ARHGAP24: variants seen among roughly 807,000 people sequenced by gnomAD.
ARHGAP24 encodes rho GTPase-activating protein 24.
ARHGAP24 carries 50 observed loss-of-function variants against 76.4 expected under a neutral mutation model. The observed-to-expected ratio is 0.65, with a 90% CI of 0.52 to 0.83. The LOEUF (loss-of-function observed/expected upper bound fraction) is 0.83, where lower values mean the gene tolerates loss of function less well. Ranked by LOEUF, ARHGAP24 falls within the 40% of genes least tolerant of loss-of-function variation. ARHGAP24 has a pLI of 0.00. For missense variants in ARHGAP24, 930 were observed against 914.2 expected, an observed-to-expected ratio of 1.02 and a Z score of -0.22; for synonymous variants, 345 against 323.3, an observed-to-expected ratio of 1.07 and a Z score of -0.72.
intron 3 of ARHGAP24, among the ~76,000 whole-genome samples, chr4:85,847,188 A>G (rs1337031426): frequency 6.6e-6 from 1 of 152,212 alleles, no homozygotes; most frequent in East Asian, 1.9e-4. Flanking sequence ...ATGAATTTCT[A>G]ATAAGAAGGT....
chr4:85,530,891 A>G (rs1383259456), intron 1 of ARHGAP24, among the ~76,000 whole-genome samples: 1 of 152,066 alleles, frequency 6.6e-6, no homozygotes, highest in Non-Finnish European at 1.5e-5. Flanking sequence ...GTTAAGCTTT[A>G]GGTTTTGCAT....
intron 2 of ARHGAP24, among the ~76,000 whole-genome samples, chr4:85,663,174 T>G (rs1455039654): frequency 1.3e-5 from 2 of 151,052 alleles, no homozygotes; most frequent in East Asian, 3.9e-4. Flanking sequence ...TCCATTTGTT[T>G]GTATCCTCTT....
chr4:85,915,533 C>T (rs1448776502), intron 3 of ARHGAP24, among the ~76,000 whole-genome samples: 1 of 152,172 alleles, frequency 6.6e-6, no homozygotes, highest in Non-Finnish European at 1.5e-5. Flanking sequence ...AACCTGTCAT[C>T]TGCATTAGGT....
chr4:85,616,213 T>C (rs1720534134), intron 2 of ARHGAP24, among the ~76,000 whole-genome samples: 1 of 152,234 alleles, frequency 6.6e-6, no homozygotes, highest in Admixed American at 6.5e-5. Context: ...CTGAGAGGCA[T>C]ATTTAAAATA....
At chr4:85,973,390 TAATAGTATTG>T (rs1739106941) in intron 6 of ARHGAP24, among the ~76,000 whole-genome samples, 1 of 152,240 alleles carries the variant, frequency 6.6e-6, no homozygotes, top group Non-Finnish European at 1.5e-5. Flanking sequence ...GCCTTATTAT[TAATAGTATTG>T]AGTTGTAAGA....
chr4:85,897,447 T>C (rs1295050182), intron 3 of ARHGAP24, among the ~76,000 whole-genome samples: 1 of 152,186 alleles, frequency 6.6e-6, no homozygotes, highest in Non-Finnish European at 1.5e-5. Context: ...GATGGGAAAA[T>C]GTTAAGGCAT....
At chr4:85,987,730 CTT>C (rs956327921) in intron 8 of ARHGAP24, among the ~76,000 whole-genome samples, 21 of 151,792 alleles carry the variant, frequency 1.4e-4, no homozygotes, top group African/African-American at 2.9e-4. Context: ...TAAATTCAGA[CTT>C]ATAAAAATTT....
At chr4:85,975,580 A>G (rs1466850179) in intron 7 of ARHGAP24, 1 of 152,920 alleles carries the variant, frequency 6.5e-6, no homozygotes, top group East Asian at 1.9e-4. Context: ...ATACCTCTCA[A>G]TGTATAACTC....
intron 2 of ARHGAP24, among the ~76,000 whole-genome samples, chr4:85,675,558 C>A (rs1490983776): frequency 6.6e-6 from 1 of 152,176 alleles, no homozygotes. Flanking sequence ...AACCTTCTAA[C>A]AAAAGATTTC....
intron 1 of ARHGAP24, among the ~76,000 whole-genome samples, chr4:85,501,204 T>C (rs1199608994): frequency 6.6e-6 from 1 of 152,226 alleles, no homozygotes; most frequent in African/African-American, 2.4e-5. Flanking sequence ...TGTGTCTTTA[T>C]AGTAGCATGA....
intron 4 of ARHGAP24, chr4:85,931,152 A>G: frequency 1.7e-6 from 2 of 1,160,460 alleles, no homozygotes; most frequent in Non-Finnish European, 2.4e-6. Flanking sequence ...CCAAGAGCTT[A>G]GGACTGTACA....
chr4:85,740,752 A>C (rs189124257), intron 3 of ARHGAP24, among the ~76,000 whole-genome samples: 1 of 152,218 alleles, frequency 6.6e-6, no homozygotes, highest in African/African-American at 2.4e-5. Context: ...ATATTTTTGT[A>C]ACCCATGGCT....
intron 3 of ARHGAP24, among the ~76,000 whole-genome samples, chr4:85,818,655 G>A (rs550006446): frequency 6.6e-6 from 1 of 152,270 alleles, no homozygotes; most frequent in African/African-American, 2.4e-5. Context: ...CTCTGCTCCT[G>A]ATATTGCTGA....
intron 3 of ARHGAP24, among the ~76,000 whole-genome samples, chr4:85,898,056 T>TAA (rs1310817709): frequency 6.8e-6 from 1 of 146,094 alleles, no homozygotes; most frequent in Non-Finnish European, 1.5e-5. Context: ...TATATATATA[T>TAA]ATAATTATTT....
chr4:85,608,705 G>T (rs1382542567), intron 2 of ARHGAP24, among the ~76,000 whole-genome samples: 2 of 151,426 alleles, frequency 1.3e-5, no homozygotes, highest in Non-Finnish European at 2.9e-5. Context: ...TTATAGGTGC[G>T]TGCCACCCTG....
Position 85,726,558 on chromosome 4 carries a change from T to C in ARHGAP24, c.268+4586T>C, listed in dbSNP as rs559916311. Among the ~76,000 whole-genome samples the C allele has an allele frequency of 8.5e-4, 129 of 152,242 alleles. No homozygotes were observed. In the Middle Eastern group the frequency reaches 0.01, roughly 12 times the overall value. ...TTTCCTCTTGCTAACTAGTCATTGA[T>C]TGGGAGCAGGAAGACAGATAAACTT... is the stretch of plus-strand genomic sequence containing the variant. On this transcript the variant is annotated intron_variant, in intron 3 of 9. Transcript: ENST00000395184.
intron 1 of ARHGAP24, among the ~76,000 whole-genome samples, chr4:85,554,825 C>T (rs1211567768): frequency 1.8e-5 from 2 of 112,706 alleles, no homozygotes; most frequent in East Asian, 5.3e-4. Flanking sequence ...TGCCCGCTAT[C>T]ACGCCCAGCT....
intron 3 of ARHGAP24, among the ~76,000 whole-genome samples, chr4:85,752,038 G>A (rs1324978197): frequency 6.6e-6 from 1 of 152,148 alleles, no homozygotes; most frequent in African/African-American, 2.4e-5. Flanking sequence ...CTATGGAGAT[G>A]TGGCAAGGAA....
chr4:85,816,123 A>G (rs1237829740), intron 3 of ARHGAP24, among the ~76,000 whole-genome samples: 2 of 152,194 alleles, frequency 1.3e-5, no homozygotes, highest in East Asian at 3.8e-4. Context: ...GTACAATTCA[A>G]GATGAGATTT....
Sources: gnomAD v4.1 joint callset for allele counts (sites outside exome capture counted in the v4.1 genomes callset) on GRCh38, gnomAD v4.1.1 for gene constraint, MANE v1.5 for transcripts, NCBI Gene and HGNC (gene_info 2026-07-23, HGNC 2026-07-21) for gene names.